The following PSAT1 variants were observed in gnomAD, a reference collection of about 807,000 sequenced individuals.
PSAT1 encodes phosphoserine aminotransferase.
A neutral mutation model predicts 40.3 loss-of-function variants in PSAT1; 41 were observed. That is an observed-to-expected ratio of 1.02 (90% CI 0.79 to 1.32). The LOEUF is 1.32. PSAT1 is among the 40% of genes most tolerant of loss of function. The pLI, the probability that PSAT1 is intolerant of heterozygous loss-of-function variation, is 0.00. For synonymous variants in PSAT1, 147 were observed against 170.5 expected (o/e 0.86, Z 1.07); for missense variants, 406 against 455.8 (o/e 0.89, Z 0.99).
chr9:78,326,388 AT>A (rs1828497695), intron 7 of PSAT1, among the ~76,000 whole-genome samples: 1 of 152,092 alleles, frequency 6.6e-6, no homozygotes, highest in Non-Finnish European at 1.5e-5. Context: ...CCAGTGAAAA[AT>A]AATTTTGGCT....
At chr9:78,304,588 A>C in intron 3 of PSAT1, 147 bp from the exon 4 acceptor site, 1 of 786,600 alleles carries the variant, frequency 1.3e-6, no homozygotes, top group South Asian at 1.5e-5. Context: ...TAAATGAGTG[A>C]ATTAGGGAAG....
In PSAT1 at chr9:78,304,718, C is replaced by T. The variant is rs757453037; in HGVS notation, c.192-17C>T. 4 of 1,600,062 alleles carry T rather than the reference C, an allele frequency of 2.5e-6. No homozygotes were observed. In the African/African-American group the frequency reaches 5.4e-5, roughly 21 times the overall value. The stretch of plus-strand genomic sequence containing the variant: ...ACATGAGTTTATGTATTGACTGTTA[C>T]CTATGCTTCTGCCCAGAGCTGTTCC... On this transcript the variant is annotated splice_polypyrimidine_tract_variant and intron_variant, in intron 3 of 8. Transcript: ENST00000376588.
intron 3 of PSAT1, among the ~76,000 whole-genome samples, chr9:78,303,553 T>C (rs569782051): frequency 2.5e-4 from 38 of 152,318 alleles, no homozygotes; most frequent in African/African-American, 8.9e-4. Flanking sequence ...TTCCATCTAA[T>C]TCTTGGCCTT....
At chr9:78,323,142 TG>T (rs2118699442) in intron 7 of PSAT1, among the ~76,000 whole-genome samples, 1 of 152,242 alleles carries the variant, frequency 6.6e-6, no homozygotes, top group South Asian at 2.1e-4. Context: ...TGAGGATCTG[TG>T]GGTAATATGG....
intron 7 of PSAT1, among the ~76,000 whole-genome samples, chr9:78,325,733 T>TC (rs2118707096): frequency 6.6e-6 from 1 of 152,168 alleles, no homozygotes; most frequent in South Asian, 2.1e-4. Context: ...TCTTTTTTTC[T>TC]CCCCCCAGCC....
intron 6 of PSAT1, among the ~76,000 whole-genome samples, chr9:78,316,651 G>C (rs1037683571): frequency 6.6e-6 from 1 of 152,124 alleles, no homozygotes. Context: ...GGAAGAGCAG[G>C]GTGGATAAAA....
chr9:78,307,104 G>A (rs1828195653), intron 5 of PSAT1, among the ~76,000 whole-genome samples: 1 of 152,178 alleles, frequency 6.6e-6, no homozygotes. Flanking sequence ...GGCATTGAGA[G>A]CATTCACATT....
At chr9:78,302,923 C>T (rs969156354) in intron 3 of PSAT1, among the ~76,000 whole-genome samples, 2 of 151,894 alleles carry the variant, frequency 1.3e-5, no homozygotes, top group Admixed American at 6.6e-5. Flanking sequence ...CCAGAGAATC[C>T]CTTATTCTTA....
At chr9:78,305,066 G>A in intron 4 of PSAT1, 126 bp downstream of exon 4, 1 of 860,226 alleles carries the variant, frequency 1.2e-6, no homozygotes, top group African/African-American at 1.7e-5. Context: ...TTTAGATTGG[G>A]TGGCTGTACT....
intron 6 of PSAT1, among the ~76,000 whole-genome samples, chr9:78,311,828 T>TCAA (rs201165450): frequency 6.6e-6 from 1 of 150,964 alleles, no homozygotes; most frequent in Admixed American, 6.6e-5. Flanking sequence ...TGAGACTGTC[T>TCAA]GAAAACAAAA....
intron 5 of PSAT1, 144 bp from the exon 6 acceptor site, chr9:78,308,270 T>A (rs1564014593): frequency 2.2e-6 from 2 of 929,036 alleles, no homozygotes; most frequent in Non-Finnish European, 3.4e-6. Flanking sequence ...CACATGGAGA[T>A]TGCTTTAGAG....
intron 3 of PSAT1, among the ~76,000 whole-genome samples, chr9:78,304,158 C>T (rs1828147141): frequency 6.6e-6 from 1 of 152,186 alleles, no homozygotes; most frequent in Non-Finnish European, 1.5e-5. Flanking sequence ...TGTATTATCT[C>T]ACCTAACAGA....
At chr9:78,308,815 C>T (rs1329189740) in intron 6 of PSAT1, among the ~76,000 whole-genome samples, 10 of 152,128 alleles carry the variant, frequency 6.6e-5, no homozygotes, top group South Asian at 4.2e-4. Context: ...ATTATCCAGG[C>T]GTGGTGGCAC....
intron 6 of PSAT1, among the ~76,000 whole-genome samples, chr9:78,311,976 G>A: frequency 6.6e-6 from 1 of 152,132 alleles, no homozygotes; most frequent in Non-Finnish European, 1.5e-5. Flanking sequence ...GAGGCTGATG[G>A]GGTACCTGGA....
intron 6 of PSAT1, among the ~76,000 whole-genome samples, chr9:78,312,522 C>A (rs1254525958): frequency 6.6e-6 from 1 of 151,806 alleles, no homozygotes; most frequent in African/African-American, 2.4e-5. Context: ...ATGGACAAAC[C>A]CCGTCTCTAC....
Position 78,297,252 on chromosome 9 carries a change from C to T in PSAT1, c.42C>T (p.Pro14=). The part of the protein sequence containing the change: ...PRQVVNFGPG[P]AKLPHSVLLE... Reference sequence around the variant, plus strand: ...AGGTGGTCAACTTTGGGCCTGGTCCCGCCAAGCTGCCGCACTCAGTAAGTC... The same window carrying T: ...AGGTGGTCAACTTTGGGCCTGGTCCTGCCAAGCTGCCGCACTCAGTAAGTC... Residue 14 remains proline, a synonymous_variant, in exon 1 of 9, where the codon CCC becomes CCT. Transcript: ENST00000376588. 5 of 1,601,496 alleles carry T rather than the reference C, an allele frequency of 3.1e-6. No individual in the cohort carries two copies. Among genetic ancestry groups the T allele is most frequent in the Non-Finnish European group, 4.2e-6 (5 of 1,178,440 alleles).
chr9:78,299,941 CCTT>C (rs1169630616), intron 1 of PSAT1, among the ~76,000 whole-genome samples: 1 of 152,158 alleles, frequency 6.6e-6, no homozygotes, highest in Non-Finnish European at 1.5e-5. Context: ...TATCTGTAGA[CCTT>C]CTCTGGCTGG....
chr9:78,300,762 C>G, intron 2 of PSAT1, 100 bp downstream of exon 2: 1 of 1,426,016 alleles, frequency 7.0e-7, no homozygotes, highest in Non-Finnish European at 9.1e-7. Flanking sequence ...GTCACCCAGG[C>G]TGGAGTACAG....
At chr9:78,303,431 G>T (rs1419973658) in intron 3 of PSAT1, among the ~76,000 whole-genome samples, 1 of 152,096 alleles carries the variant, frequency 6.6e-6, no homozygotes, top group Non-Finnish European at 1.5e-5. Context: ...TTGACCACAT[G>T]GCTATGAACT....
Sources: allele counts gnomAD v4.1 joint callset (sites outside exome capture counted in the v4.1 genomes callset), GRCh38; gene constraint gnomAD v4.1.1; transcripts MANE v1.5; gene names NCBI Gene and HGNC (gene_info 2026-07-23, HGNC 2026-07-21).